ANXA2: variants seen among roughly 807,000 people sequenced by gnomAD.
ANXA2 encodes the protein annexin A2.
A neutral mutation model predicts 47.3 loss-of-function variants in ANXA2; 28 were observed. That is an observed-to-expected ratio of 0.59 (90% confidence interval 0.44 to 0.81). ANXA2 has a LOEUF of 0.81. ANXA2 is among the 40% of genes least tolerant of loss of function. The pLI is 0.00. For synonymous variants in ANXA2, 172 were observed against 155.5 expected (o/e 1.11, Z -0.79); for missense variants, 384 against 414.3 (o/e 0.93, Z 0.64).
chr15:60,371,096 A>G (rs1022481408), intron 3 of ANXA2, among the ~76,000 whole-genome samples: 18 of 152,236 alleles, frequency 1.2e-4, no homozygotes, highest in African/African-American at 4.3e-4. Flanking sequence ...CAAGACACAA[A>G]TGTATTTGGC....
chr15:60,373,480 G>A (rs2062736936), intron 3 of ANXA2, among the ~76,000 whole-genome samples: 1 of 152,156 alleles, frequency 6.6e-6, no homozygotes, highest in African/African-American at 2.4e-5. Context: ...CCTTCAGCCA[G>A]GGTGCTGGCT....
chr15:60,375,546 A>C (rs538487433), intron 3 of ANXA2, among the ~76,000 whole-genome samples: 2 of 152,348 alleles, frequency 1.3e-5, no homozygotes, highest in South Asian at 4.1e-4. Context: ...AGGCCAATCT[A>C]AACCAAGAGA....
At chr15:60,370,203 G>A (rs932160747) in intron 3 of ANXA2, among the ~76,000 whole-genome samples, 25 of 152,200 alleles carry the variant, frequency 1.6e-4, no homozygotes, top group African/African-American at 5.1e-4. Flanking sequence ...GTGAACAGCC[G>A]TAATGCATTG....
At chr15:60,355,066 C>G (rs2062406966) in intron 7 of ANXA2, among the ~76,000 whole-genome samples, 4 of 152,096 alleles carry the variant, frequency 2.6e-5, no homozygotes, top group East Asian at 1.9e-4. Context: ...ACAGCACGCT[C>G]TCAGGTAAGT....
chr15:60,380,111 G>C (rs1006925354), intron 3 of ANXA2, among the ~76,000 whole-genome samples: 1 of 152,188 alleles, frequency 6.6e-6, no homozygotes, highest in Admixed American at 6.5e-5. Context: ...TTTTAGGAAA[G>C]CAAACCACAT....
At chr15:60,353,616 C>A (rs1265149794) in intron 8 of ANXA2, among the ~76,000 whole-genome samples, 1 of 152,208 alleles carries the variant, frequency 6.6e-6, no homozygotes, top group Non-Finnish European at 1.5e-5. Context: ...TTTGAGGTTC[C>A]TCCCTTCCAA....
intron 4 of ANXA2, chr15:60,363,112 C>A (rs1174616812): frequency 6.9e-6 from 1 of 145,058 alleles, no homozygotes; most frequent in Non-Finnish European, 1.5e-5. Context: ...CAAGACCATA[C>A]TCTGTGACAG....
intron 4 of ANXA2, among the ~76,000 whole-genome samples, chr15:60,363,267 C>T (rs576643018): frequency 1.3e-4 from 20 of 152,250 alleles, no homozygotes; most frequent in African/African-American, 4.6e-4. Context: ...GATTAATACA[C>T]TTCTAGTGAA....
chr15:60,397,297 C>A (rs2063093628), intron 1 of ANXA2: 1 of 985,468 alleles, frequency 1.0e-6, no homozygotes, highest in Admixed American at 6.1e-5. Context: ...GGGAAACTCT[C>A]CGGGTAGAGT....
intron 3 of ANXA2, among the ~76,000 whole-genome samples, chr15:60,368,826 A>C (rs2062674884): frequency 6.6e-6 from 1 of 152,198 alleles, no homozygotes; most frequent in Non-Finnish European, 1.5e-5. Flanking sequence ...ACTTCACTTC[A>C]AGAGAGTCCC....
At chr15:60,358,448 A>G (rs1248225774) in intron 5 of ANXA2, among the ~76,000 whole-genome samples, 1 of 152,242 alleles carries the variant, frequency 6.6e-6, no homozygotes, top group Non-Finnish European at 1.5e-5. Context: ...AATGTAAATC[A>G]ATTATAAGGT....
At chr15:60,378,383 A>G (rs1405249806) in intron 3 of ANXA2, among the ~76,000 whole-genome samples, 2 of 152,230 alleles carry the variant, frequency 1.3e-5, no homozygotes, top group African/African-American at 2.4e-5. Flanking sequence ...CAGACATTCT[A>G]TGTAATACAG....
intron 2 of ANXA2, 27 bp from the exon 3 acceptor site, chr15:60,382,468 A>G: frequency 6.8e-7 from 1 of 1,470,674 alleles, no homozygotes. Context: ...AACATACTCA[A>G]ATGACACACA....
chr15:60,356,602 A>G (rs1268384924), intron 6 of ANXA2, among the ~76,000 whole-genome samples: 9 of 152,206 alleles, frequency 5.9e-5, no homozygotes, highest in Admixed American at 4.6e-4. Context: ...ATGTACCAAA[A>G]TATCACATGT....
intron 2 of ANXA2, chr15:60,384,520 A>G (rs990229332): frequency 6.6e-6 from 1 of 152,242 alleles, no homozygotes; most frequent in Non-Finnish European, 1.5e-5. Flanking sequence ...CATAAGAAAT[A>G]TACTAGAGTA....
chr15:60,374,025 C>A (rs887494021), intron 3 of ANXA2, among the ~76,000 whole-genome samples: 1 of 152,128 alleles, frequency 6.6e-6, no homozygotes, highest in Non-Finnish European at 1.5e-5. Flanking sequence ...GTGCCTCTCC[C>A]AAGCCTGGCA....
rs560097543 is a variant in ANXA2 at position 60,397,908 on chromosome 15, G to A, written c.-12+35C>T. Reference sequence around the variant, plus strand: ...CGTCTCCACACCCCGCTAGCTGGCGGCCCATCGCGGGCGGGCAGGGCGCGC... The same window carrying A: ...CGTCTCCACACCCCGCTAGCTGGCGACCCATCGCGGGCGGGCAGGGCGCGC... On this transcript the variant is annotated intron_variant, in intron 1 of 12. Coordinates refer to ENST00000451270, the MANE Select transcript of ANXA2 (RefSeq NM_004039.3). 4 of 1,340,416 alleles carry A rather than the reference G, an allele frequency of 3.0e-6. No individual in the cohort carries two copies. In the African/African-American group the frequency reaches 4.6e-5, roughly 15 times the overall value. The allele number at this position is 1,340,416 out of a possible 1,614,324, so 83.0% of individuals were successfully genotyped here.
intron 3 of ANXA2, among the ~76,000 whole-genome samples, chr15:60,379,445 T>A (rs2062825903): frequency 6.6e-6 from 1 of 152,010 alleles, no homozygotes; most frequent in Non-Finnish European, 1.5e-5. Context: ...GTTTTTCATA[T>A]CTGAAAATAA....
At chr15:60,374,381 G>A (rs2062749779) in intron 3 of ANXA2, 16 of 448,574 alleles carry the variant, frequency 3.6e-5, no homozygotes, top group South Asian at 2.6e-4. Flanking sequence ...TACTCCGTCA[G>A]CCTCATGGGA....
Sources: gnomAD v4.1 joint callset for allele counts (sites outside exome capture counted in the v4.1 genomes callset) on GRCh38, gnomAD v4.1.1 for gene constraint, MANE v1.5 for transcripts, NCBI Gene and HGNC (gene_info 2026-07-23, HGNC 2026-07-21) for gene names.